Variants in ZBTB8OS observed in about 807,000 individuals in gnomAD.
ZBTB8OS encodes tRNA splicing ligase complex subunit 1, also known as tRNA-splicing ligase-activating factor archease.
Under a neutral mutation model 29.3 loss-of-function variants are expected in ZBTB8OS, and 16 were observed. That is an observed-to-expected ratio of 0.55 (90% CI 0.37 to 0.83). The LOEUF (loss-of-function observed/expected upper bound fraction) is 0.83, where lower values mean the gene tolerates loss of function less well. ZBTB8OS is among the 40% of genes least tolerant of loss of function. ZBTB8OS has a pLI of 0.00. For synonymous variants in ZBTB8OS, 70 were observed against 64.6 expected (o/e 1.08, Z -0.40); for missense variants, 160 against 196.9 (o/e 0.81, Z 1.12).
At chr1:32,624,525 G>T (rs908803986) in intron 6 of ZBTB8OS, among the ~76,000 whole-genome samples, 3 of 152,182 alleles carry the variant, frequency 2.0e-5, no homozygotes, top group Non-Finnish European at 4.4e-5. Context: ...AACCAGGAAG[G>T]TATTTTTAAA....
intron 1 of ZBTB8OS, among the ~76,000 whole-genome samples, chr1:32,635,979 C>G (rs572478499): frequency 1.3e-5 from 2 of 152,244 alleles, no homozygotes; most frequent in South Asian, 4.2e-4. Context: ...GTCTGAACCT[C>G]CCCAAATTGC....
chr1:32,627,737 C>T (rs1478171080), intron 5 of ZBTB8OS, 193 bp from the exon 6 acceptor site: 1 of 593,014 alleles, frequency 1.7e-6, no homozygotes, highest in African/African-American at 1.9e-5. Context: ...ATCATTTGCT[C>T]TCAAGGTTGA....
rs972237466 is a variant in ZBTB8OS, at chr1:32,620,992, C to T, written c.*870G>A. 2 of 152,132 alleles carry T rather than the reference C, an allele frequency of 1.3e-5. No homozygotes were observed. The highest frequency in any genetic ancestry group is 6.5e-5 in the Admixed American group (1 of 15,274). The allele number at this position is 152,132 out of a possible 1,614,324, so 9.4% of individuals were successfully genotyped here. ...AAAACTGAAAGCGTGAGAGAAAAAT[C>T]AGGGCTCTATCTAGAGAAGTCTAAT... On this transcript the variant is annotated 3_prime_UTR_variant, in exon 7 of 7. Coordinates refer to ENST00000468695, the MANE Select transcript of ZBTB8OS (RefSeq NM_178547.5).
intron 1 of ZBTB8OS, among the ~76,000 whole-genome samples, chr1:32,641,209 A>G (rs1191504025): frequency 6.6e-6 from 1 of 151,548 alleles, no homozygotes; most frequent in African/African-American, 2.4e-5. Context: ...CATTCTTTCA[A>G]GAAAAAGTGT....
intron 6 of ZBTB8OS, among the ~76,000 whole-genome samples, chr1:32,623,176 C>T (rs763104201): frequency 2.6e-5 from 4 of 152,184 alleles, no homozygotes; most frequent in Non-Finnish European, 5.9e-5. Context: ...GAAGATTTCA[C>T]AGAAGGATAT....
chr1:32,635,560 G>A (rs1172824287), intron 1 of ZBTB8OS, among the ~76,000 whole-genome samples: 1 of 152,134 alleles, frequency 6.6e-6, no homozygotes, highest in African/African-American at 2.4e-5. Context: ...ACAGGCGTGA[G>A]CCACTGCGCC....
intron 1 of ZBTB8OS, among the ~76,000 whole-genome samples, chr1:32,645,865 A>C (rs669047): frequency 0.012 from 1,790 of 152,278 alleles, 30 homozygotes; most frequent in African/African-American, 0.04. Flanking sequence ...TATTATGAAA[A>C]TAGTTTTGAC....
At chr1:32,629,636 T>C (rs968211784) in intron 5 of ZBTB8OS, among the ~76,000 whole-genome samples, 1 of 152,088 alleles carries the variant, frequency 6.6e-6, no homozygotes, top group Non-Finnish European at 1.5e-5. Flanking sequence ...CAGTCTCCTC[T>C]CTGTCTTTGA....
At chr1:32,647,120 C>T (rs117346888) in intron 1 of ZBTB8OS, among the ~76,000 whole-genome samples, 5,584 of 143,170 alleles carry the variant, frequency 0.039, 219 homozygotes, top group East Asian at 0.12. Flanking sequence ...CTTCGGAGGC[C>T]GAGGCGGGCG....
At chr1:32,650,665 A>T, upstream of ZBTB8OS, 3 of 1,536,572 alleles carry the variant, frequency 2.0e-6, no homozygotes, top group Non-Finnish European at 2.7e-6. Flanking sequence ...TTGGCTGTTG[A>T]CCTACTTTAG....
intron 5 of ZBTB8OS, among the ~76,000 whole-genome samples, chr1:32,631,370 G>GA (rs528410961): frequency 6.9e-6 from 1 of 144,786 alleles, no homozygotes; most frequent in Non-Finnish European, 1.5e-5. Flanking sequence ...AAAAAAAAAA[G>GA]AAAAAAAAGA....
At chr1:32,628,716 A>G (rs1570502499) in intron 5 of ZBTB8OS, among the ~76,000 whole-genome samples, 1 of 152,096 alleles carries the variant, frequency 6.6e-6, no homozygotes, top group Non-Finnish European at 1.5e-5. Flanking sequence ...AGGCAGAGGT[A>G]GATGAATCCA....
rs1321545285 is a variant in ZBTB8OS at position 32,631,849 on chromosome 1, T to C, written c.358A>G (p.Asn120Asp). 6 of 1,597,506 alleles carry C rather than the reference T, an allele frequency of 3.8e-6. No individual in the cohort carries two copies. Among genetic ancestry groups the C allele is most frequent in the Non-Finnish European group, 4.3e-6 (5 of 1,172,324 alleles). ...TACCCAATTGATCGTAATTTGAAAT[T>C]TCTTTGATCAATGCTAAGTACTTTC... is the stretch of plus-strand genomic sequence containing the variant. ...EVKVLSIDQR[N>D]FKLRSIGWGE... Residue 120 changes from asparagine (N) to aspartate (D), a missense_variant, in exon 5 of 7, where the codon AAT (asparagine) becomes GAT (aspartate). Physicochemically the swap from Asn to Asp is conservative, Grantham distance 23. Transcript: ENST00000468695.
chr1:32,650,918 T>C (rs1647467040), upstream of ZBTB8OS: 6 of 462,760 alleles, frequency 1.3e-5, no homozygotes, highest in Non-Finnish European at 2.3e-5. Context: ...CTTAATAGCC[T>C]TCAAGAAAAT....
chr1:32,633,911 T>C (rs1187926444), intron 3 of ZBTB8OS, 40 bp downstream of exon 3: 4 of 1,542,020 alleles, frequency 2.6e-6, no homozygotes, highest in Non-Finnish European at 3.5e-6. Context: ...TTCTATACAG[T>C]ACTGTATAAC....
At chr1:32,633,369 A>T in intron 4 of ZBTB8OS, 1 of 318,798 alleles carries the variant, frequency 3.1e-6, no homozygotes, top group Non-Finnish European at 5.8e-6. Flanking sequence ...CAAAAACAAA[A>T]ACAGAAAAAA....
chr1:32,650,572 G>T (rs548410756), upstream of ZBTB8OS: 1 of 1,613,686 alleles, frequency 6.2e-7, no homozygotes, highest in East Asian at 2.2e-5. Context: ...TCATCCACCG[G>T]ACTTCGGCCC....
intron 5 of ZBTB8OS, 85 bp from the exon 6 acceptor site, chr1:32,627,629 C>T: frequency 3.0e-6 from 4 of 1,337,694 alleles, no homozygotes; most frequent in South Asian, 2.5e-5. Flanking sequence ...GGTTAACATG[C>T]TAGAAAGCCA....
At chr1:32,648,715 G>C (rs1471052007) in intron 1 of ZBTB8OS, among the ~76,000 whole-genome samples, 1 of 152,266 alleles carries the variant, frequency 6.6e-6, no homozygotes, top group East Asian at 1.9e-4. Flanking sequence ...CTGGAGTGCA[G>C]TGGTGCAATC....
Sources: gnomAD v4.1 joint callset for allele counts (sites outside exome capture counted in the v4.1 genomes callset) on GRCh38, gnomAD v4.1.1 for gene constraint, MANE v1.5 for transcripts, NCBI Gene and HGNC (gene_info 2026-07-23, HGNC 2026-07-21) for gene names.